PHF24: variants seen among roughly 807,000 people sequenced by gnomAD.
The protein encoded by PHF24 is PHD finger protein 24.
Under a neutral mutation model 42.6 loss-of-function variants are expected in PHF24, and 25 were observed. The ratio of observed to expected loss-of-function variants is 0.59; its 90% CI spans 0.43 to 0.82. PHF24 has a LOEUF of 0.82. Among genes scored for constraint, PHF24 ranks in the 40% least tolerant of loss-of-function variants. PHF24 has a pLI of 0.00. For synonymous variants in PHF24, 185 were observed against 204.8 expected (o/e 0.90, Z 0.83); for missense variants, 470 against 538.1 (o/e 0.87, Z 1.25).
chr9:34,770,980 G>A, the PHF24 span, among the ~76,000 whole-genome samples: 4 of 152,102 alleles, frequency 2.6e-5, no homozygotes, highest in Non-Finnish European at 4.4e-5. Flanking sequence ...AAGCATTGTG[G>A]CGCATGACTG....
chr9:34,929,459 A>G, the PHF24 span, among the ~76,000 whole-genome samples: 2 of 152,184 alleles, frequency 1.3e-5, no homozygotes, highest in African/African-American at 4.8e-5. Flanking sequence ...TGTTCTCTTT[A>G]CTGCTACATC....
At chr9:34,976,943 C>T in intron 5 of PHF24, 140 bp from the exon 6 acceptor site, 2 of 1,028,416 alleles carry the variant, frequency 1.9e-6, no homozygotes, top group African/African-American at 3.2e-5. Context: ...CTGGGCCGCA[C>T]TGGAAGTGCT....
chr9:34,850,798 T>C, the PHF24 span, among the ~76,000 whole-genome samples: 8 of 152,224 alleles, frequency 5.3e-5, no homozygotes, highest in Non-Finnish European at 1.2e-4. Context: ...CCTTTCTGTT[T>C]GTTAGTTTCC....
At chr9:34,788,152 C>A in the PHF24 span, among the ~76,000 whole-genome samples, 33 of 152,086 alleles carry the variant, frequency 2.2e-4, no homozygotes, top group Non-Finnish European at 1.5e-5. Context: ...ATCCTCCTGC[C>A]GCAGCCTCCT....
the PHF24 span, among the ~76,000 whole-genome samples, chr9:34,906,023 G>T: frequency 1.5e-4 from 23 of 152,070 alleles, no homozygotes; most frequent in Non-Finnish European, 2.9e-4. Context: ...GTCTTTGTGG[G>T]TGTGTGCACA....
the PHF24 span, among the ~76,000 whole-genome samples, chr9:34,721,362 T>C: frequency 1.3e-5 from 2 of 152,062 alleles, no homozygotes; most frequent in African/African-American, 2.4e-5. Flanking sequence ...TTGAGGAGTT[T>C]ATGTTACCCT....
chr9:34,705,964 C>G, the PHF24 span, among the ~76,000 whole-genome samples: 1 of 152,110 alleles, frequency 6.6e-6, no homozygotes, highest in Non-Finnish European at 1.5e-5. Flanking sequence ...ATATTTTCTT[C>G]TACGTATATC....
At chr9:34,893,794 C>A in the PHF24 span, among the ~76,000 whole-genome samples, 1 of 151,966 alleles carries the variant, frequency 6.6e-6, no homozygotes, top group Non-Finnish European at 1.5e-5. Flanking sequence ...CGGAGCCAGG[C>A]GGTTAGCTGA....
chr9:34,838,517 A>G, the PHF24 span: 3 of 1,326,742 alleles, frequency 2.3e-6, no homozygotes, highest in African/African-American at 1.5e-5. Flanking sequence ...TTAGCATGAG[A>G]TCAGCCATCC....
the PHF24 span, among the ~76,000 whole-genome samples, chr9:34,771,869 C>A: frequency 7.9e-5 from 12 of 152,262 alleles, no homozygotes; most frequent in Admixed American, 5.9e-4. Context: ...GTTGCGGAGG[C>A]TTCAGTCAAA....
chr9:34,712,086 A>T, the PHF24 span, among the ~76,000 whole-genome samples: 1 of 152,068 alleles, frequency 6.6e-6, no homozygotes, highest in South Asian at 2.1e-4. Context: ...TGCTGGATAT[A>T]TAGAATTCTT....
At chr9:34,950,284 G>A in the PHF24 span, among the ~76,000 whole-genome samples, 2 of 148,182 alleles carry the variant, frequency 1.3e-5, no homozygotes, top group Non-Finnish European at 1.5e-5. Flanking sequence ...AGAGGCGGAG[G>A]TTGCAGTAAG....
the PHF24 span, among the ~76,000 whole-genome samples, chr9:34,847,520 T>C: frequency 1.3e-5 from 2 of 152,056 alleles, no homozygotes; most frequent in Admixed American, 1.3e-4. Flanking sequence ...TGGGGTTTTC[T>C]AGATATACAA....
At chr9:34,668,717 A>G in the PHF24 span, among the ~76,000 whole-genome samples, 1 of 152,236 alleles carries the variant, frequency 6.6e-6, no homozygotes, top group South Asian at 2.1e-4. Flanking sequence ...CAATTTGTCC[A>G]CAGGGAAATT....
chr9:34,920,222 T>A, the PHF24 span, among the ~76,000 whole-genome samples: 1 of 152,206 alleles, frequency 6.6e-6, no homozygotes, highest in African/African-American at 2.4e-5. Flanking sequence ...GCATTCATTA[T>A]TGCCTGTCTT....
At chr9:34,977,142 G>A in exon 6 of PHF24, 4 of 1,613,614 alleles carry the variant, frequency 2.5e-6, no homozygotes, top group Non-Finnish European at 3.4e-6. Flanking sequence ...CCGCCTTCCT[G>A]GCTCGGGGCA....
At chr9:34,944,411 C>T in the PHF24 span, among the ~76,000 whole-genome samples, 2 of 152,286 alleles carry the variant, frequency 1.3e-5, no homozygotes, top group East Asian at 3.9e-4. Flanking sequence ...ACTTCCTGGC[C>T]AGGTTGTGCT....
chr9:34,875,511 A>G, the PHF24 span, among the ~76,000 whole-genome samples: 5 of 152,180 alleles, frequency 3.3e-5, no homozygotes, highest in Non-Finnish European at 7.4e-5. Context: ...TTGTTTCACA[A>G]AACTTTGAAT....
the PHF24 span, among the ~76,000 whole-genome samples, chr9:34,785,242 T>C: frequency 4.6e-5 from 7 of 152,300 alleles, no homozygotes; most frequent in Middle Eastern, 6.8e-3. Context: ...TGTCCTCACA[T>C]AGGTGAAGGC....
Sources: gnomAD v4.1 joint callset for allele counts (sites outside exome capture counted in the v4.1 genomes callset) on GRCh38, gnomAD v4.1.1 for gene constraint, MANE v1.5 for transcripts, NCBI Gene and HGNC (gene_info 2026-07-23, HGNC 2026-07-21) for gene names.